Variants in DLG2 observed in about 807,000 individuals in gnomAD.
DLG2 encodes discs large MAGUK scaffold protein 2.
A neutral mutation model predicts 132.5 loss-of-function variants in DLG2; 45 were observed. The ratio of observed to expected loss-of-function variants is 0.34; its 90% CI spans 0.27 to 0.44. The LOEUF is 0.44. Ranked by LOEUF, DLG2 falls within the 20% of genes least tolerant of loss-of-function variation. The pLI is 1.00. For synonymous variants in DLG2, 424 were observed against 419.6 expected (o/e 1.01, Z -0.13); for missense variants, 1,045 against 1,196.9 (o/e 0.87, Z 1.87).
chr11:84,707,956 G>C (rs989145369), intron 6 of DLG2, among the ~76,000 whole-genome samples: 1 of 151,846 alleles, frequency 6.6e-6, no homozygotes, highest in African/African-American at 2.4e-5. Context: ...GAAAAATAGA[G>C]ACTTTCCCTG....
Position 84,771,139 on chromosome 11 carries a change from G to A in DLG2, c.358-236408C>T, listed in dbSNP as rs185790529. On this transcript the variant is annotated intron_variant, in intron 6 of 27. Transcript: ENST00000376104. ...TATTCCTTTGGGTATACACTCAGTC[G>A]TGGGATTGCTGGGTCAAATGGCATT... Among the ~76,000 whole-genome samples the A allele has an allele frequency of 5.5e-3, 841 of 152,220 alleles. 5 individuals carry two copies. Among genetic ancestry groups the A allele is most frequent in the South Asian group, 0.018 (89 of 4,822 alleles).
At chr11:84,978,298 G>GA (rs1238213014) in intron 6 of DLG2, among the ~76,000 whole-genome samples, 2 of 152,138 alleles carry the variant, frequency 1.3e-5, no homozygotes, top group East Asian at 1.9e-4. Context: ...CACAGAATTG[G>GA]AAAAAACTAT....
At chr11:84,307,366 G>A (rs1048193468) in intron 7 of DLG2, among the ~76,000 whole-genome samples, 4 of 152,138 alleles carry the variant, frequency 2.6e-5, no homozygotes, top group African/African-American at 9.7e-5. Flanking sequence ...GTGAGAAGAA[G>A]GTGAGGACTG....
intron 7 of DLG2, among the ~76,000 whole-genome samples, chr11:84,388,887 A>G (rs2098781877): frequency 6.6e-6 from 1 of 152,132 alleles, no homozygotes; most frequent in Admixed American, 6.5e-5. Context: ...CTACATTGAA[A>G]TTCTTGGATG....
chr11:84,707,961 TC>T (rs1657327448), intron 6 of DLG2, among the ~76,000 whole-genome samples: 1 of 151,798 alleles, frequency 6.6e-6, no homozygotes, highest in Non-Finnish European at 1.5e-5. Flanking sequence ...ATAGAGACTT[TC>T]CCTGGGCTCA....
chr11:83,832,725 A>T (rs2054916953), intron 17 of DLG2, among the ~76,000 whole-genome samples: 1 of 152,166 alleles, frequency 6.6e-6, no homozygotes, highest in Admixed American at 6.5e-5. Context: ...CATATAAGAA[A>T]CATCGTGTGT....
chr11:85,227,935 C>A (rs1478921107), intron 4 of DLG2, among the ~76,000 whole-genome samples: 1 of 152,034 alleles, frequency 6.6e-6, no homozygotes, highest in Non-Finnish European at 1.5e-5. Flanking sequence ...GTTGTCTCTA[C>A]CCAGGACAAT....
intron 6 of DLG2, among the ~76,000 whole-genome samples, chr11:84,561,603 C>T (rs1232388677): frequency 2.0e-5 from 3 of 152,134 alleles, no homozygotes; most frequent in East Asian, 1.9e-4. Context: ...CTCCTGCACC[C>T]AGCAAGCTCA....
intron 18 of DLG2, among the ~76,000 whole-genome samples, chr11:83,753,139 A>G (rs560757006): frequency 6.6e-6 from 1 of 152,096 alleles, no homozygotes; most frequent in Non-Finnish European, 1.5e-5. Flanking sequence ...CTCAGATCTC[A>G]TGGCCGGGCG....
chr11:84,156,728 T>C (rs1184224557), intron 9 of DLG2, among the ~76,000 whole-genome samples: 1 of 152,242 alleles, frequency 6.6e-6, no homozygotes. Flanking sequence ...AAATGACTGA[T>C]TTATTGCATC....
intron 6 of DLG2, among the ~76,000 whole-genome samples, chr11:84,676,695 AAAC>A (rs2099711989): frequency 6.6e-6 from 1 of 152,120 alleles, no homozygotes; most frequent in South Asian, 2.1e-4. Context: ...ATACAGGCAT[AAAC>A]AACAGAAGTG....
intron 3 of DLG2, among the ~76,000 whole-genome samples, chr11:85,396,313 A>T (rs1050901354): frequency 2.6e-5 from 4 of 152,156 alleles, no homozygotes; most frequent in Non-Finnish European, 1.5e-5. Context: ...AACCACAAAC[A>T]TGGGGAGAAA....
At chr11:83,763,380 T>G (rs1238479236) in intron 18 of DLG2, among the ~76,000 whole-genome samples, 2 of 152,216 alleles carry the variant, frequency 1.3e-5, no homozygotes, top group African/African-American at 4.8e-5. Context: ...TTTATGTCCA[T>G]GCATTCTCAC....
chr11:84,923,576 C>G (rs1248873839), intron 6 of DLG2: 1 of 993,086 alleles, frequency 1.0e-6, no homozygotes, highest in African/African-American at 1.7e-5. Context: ...GGGATCGCAT[C>G]GCAGACTGTA....
intron 6 of DLG2, among the ~76,000 whole-genome samples, chr11:85,074,716 G>A (rs149457967): frequency 3.3e-5 from 5 of 151,904 alleles, no homozygotes; most frequent in East Asian, 2.0e-4. Context: ...AAGAATATAG[G>A]AGGAGACTTG....
Position 83,558,848 on chromosome 11 carries a change from C to CGTGTGTGTGTGTGT in DLG2, c.1941-17004_1941-16991dup, listed in dbSNP as rs3039336. On this transcript the variant is annotated intron_variant, in intron 19 of 27. Transcript: ENST00000376104. ...CCCGGTAAAAAACAGTGCTAGATGT[C>CGTGTGTGTGTGTGT]GTGTGTGTGTGTGTGTGTGTGTGTG... 5.3e-3 allele frequency among the ~76,000 whole-genome samples: 751 copies of CGTGTGTGTGTGTGT among 142,316 alleles called. 10 individuals carry two copies. The highest frequency in any genetic ancestry group is 0.014 in the South Asian group (59 of 4,220). 93.4% of individuals were successfully genotyped at this position (142,316 alleles called of 152,430 possible).
At chr11:84,832,623 A>G (rs1021389517) in intron 6 of DLG2, among the ~76,000 whole-genome samples, 1 of 151,692 alleles carries the variant, frequency 6.6e-6, no homozygotes, top group Non-Finnish European at 1.5e-5. Flanking sequence ...CCTGAAAAGC[A>G]ACATAAATAA....
chr11:83,524,657 A>ACCT (rs1401681372), intron 21 of DLG2, among the ~76,000 whole-genome samples: 4 of 152,118 alleles, frequency 2.6e-5, no homozygotes, highest in African/African-American at 9.7e-5. Flanking sequence ...AAGATGGAGG[A>ACCT]CCTTCATGAC....
intron 7 of DLG2, among the ~76,000 whole-genome samples, chr11:84,309,007 GCTC>G (rs1359809155): frequency 1.3e-5 from 2 of 152,202 alleles, no homozygotes; most frequent in East Asian, 3.9e-4. Flanking sequence ...GGGCTGAAGG[GCTC>G]CTCAAGTGCC....
Sources: allele counts gnomAD v4.1 joint callset (sites outside exome capture counted in the v4.1 genomes callset), GRCh38; gene constraint gnomAD v4.1.1; transcripts MANE v1.5; gene names NCBI Gene and HGNC (gene_info 2026-07-23, HGNC 2026-07-21).